The following ETS1 variants were observed in gnomAD, a reference collection of about 807,000 sequenced individuals.
ETS1 encodes the protein protein C-ets-1.
A neutral mutation model predicts 58.6 loss-of-function variants in ETS1; 15 were observed. That is an observed-to-expected ratio of 0.26 (90% CI 0.17 to 0.39). The LOEUF is 0.39. Among genes scored for constraint, ETS1 ranks in the 10% least tolerant of loss-of-function variants. The pLI is 1.00. For missense variants in ETS1, 417 were observed against 610.5 expected (o/e 0.68, Z 3.34); for synonymous variants, 214 against 218.2 (o/e 0.98, Z 0.17).
intron 2 of ETS1, among the ~76,000 whole-genome samples, chr11:128,560,409 G>A (rs1015269287): frequency 2.0e-5 from 3 of 152,180 alleles, no homozygotes; most frequent in Non-Finnish European, 4.4e-5. Flanking sequence ...CACCGCGCCC[G>A]GCCGAGATGG....
intron 3 of ETS1, among the ~76,000 whole-genome samples, chr11:128,499,021 T>C (rs1863016056): frequency 6.6e-6 from 1 of 152,208 alleles, no homozygotes; most frequent in African/African-American, 2.4e-5. Context: ...TTCGTCTCCA[T>C]GGCTTTGCAG....
At position 128,556,385 on chromosome 11, in the gene ETS1, G is replaced by C. The variant is rs1174923049; in HGVS notation, c.120C>G (p.Phe40Leu). The C allele has an allele frequency of 6.2e-7, 1 of 1,612,844 alleles. No individual in the cohort carries two copies. The highest frequency in any genetic ancestry group is 1.3e-5 in the African/African-American group (1 of 74,898). The change falls in exon 3 of 10, where the codon TTC (phenylalanine) becomes TTG (leucine). Residue 40 changes from phenylalanine (F) to leucine (L), a missense_variant. Physicochemically the swap from Phe to Leu is conservative, Grantham distance 22 (BLOSUM62 0). Coordinates refer to ENST00000392668, the MANE Select transcript of ETS1 (RefSeq NM_001143820.2). ...GTCTTTGCTGGTGATAATTGGACTG[G>C]AAACCACAGTTCATTCGAGGATCTT... ...TYEDPRMNCGFQSNYHQQRPC... is the reference protein window; with the variant it reads ...TYEDPRMNCGLQSNYHQQRPC...
chr11:128,524,601 T>C (rs1863764572), intron 3 of ETS1, among the ~76,000 whole-genome samples: 1 of 152,230 alleles, frequency 6.6e-6, no homozygotes, highest in African/African-American at 2.4e-5. Flanking sequence ...TGTTGATAAA[T>C]GAAATTTTTA....
At chr11:128,576,958 G>A (rs1864764112) in intron 1 of ETS1, among the ~76,000 whole-genome samples, 1 of 152,120 alleles carries the variant, frequency 6.6e-6, no homozygotes, top group Non-Finnish European at 1.5e-5. Flanking sequence ...CCTTGTTTAT[G>A]TTCCCAAAGT....
intron 3 of ETS1, among the ~76,000 whole-genome samples, chr11:128,550,346 A>C (rs890576066): frequency 1.3e-5 from 2 of 152,258 alleles, no homozygotes; most frequent in Non-Finnish European, 2.9e-5. Context: ...AAAAAGAAAG[A>C]GGCCATGTAG....
chr11:128,516,612 G>C (rs567850496), intron 3 of ETS1, among the ~76,000 whole-genome samples: 1 of 152,186 alleles, frequency 6.6e-6, no homozygotes, highest in South Asian at 2.1e-4. Context: ...GCCTGTGTGT[G>C]AGCCATGGGC....
chr11:128,542,332 G>A (rs570454087), intron 3 of ETS1, among the ~76,000 whole-genome samples: 1 of 152,264 alleles, frequency 6.6e-6, no homozygotes, highest in African/African-American at 2.4e-5. Flanking sequence ...GACAGAAAAG[G>A]AAAAGGGGAA....
intron 1 of ETS1, among the ~76,000 whole-genome samples, chr11:128,576,016 AG>A (rs1280746365): frequency 2.6e-5 from 4 of 152,242 alleles, no homozygotes; most frequent in African/African-American, 9.6e-5. Flanking sequence ...TCTCATTGAC[AG>A]AGTGAGAGAA....
At chr11:128,507,272 A>AG (rs1863266223) in intron 3 of ETS1, among the ~76,000 whole-genome samples, 1 of 151,940 alleles carries the variant, frequency 6.6e-6, no homozygotes, top group South Asian at 2.1e-4. Flanking sequence ...AGGGAGGGAG[A>AG]GGGAAGGAGA....
chr11:128,550,878 G>GAATAA (rs1175618216), intron 3 of ETS1, among the ~76,000 whole-genome samples: 1 of 152,166 alleles, frequency 6.6e-6, no homozygotes, highest in Non-Finnish European at 1.5e-5. Context: ...AAAATTGAAA[G>GAATAA]AATAAAATAA....
At chr11:128,519,785 A>G (rs1260865177) in intron 3 of ETS1, among the ~76,000 whole-genome samples, 1 of 152,218 alleles carries the variant, frequency 6.6e-6, no homozygotes, top group African/African-American at 2.4e-5. Flanking sequence ...TTTTTATGTC[A>G]ATTATTTACC....
intron 2 of ETS1, among the ~76,000 whole-genome samples, chr11:128,565,876 A>G (rs1260495672): frequency 6.6e-6 from 1 of 152,200 alleles, no homozygotes; most frequent in Non-Finnish European, 1.5e-5. Context: ...AGCAAGCACA[A>G]TCACTGCATA....
intron 6 of ETS1, among the ~76,000 whole-genome samples, chr11:128,485,284 A>ATC (rs1399900761): frequency 6.6e-6 from 1 of 152,174 alleles, no homozygotes; most frequent in Non-Finnish European, 1.5e-5. Flanking sequence ...TCATATCCTC[A>ATC]TCTCTAAAAT....
At position 128,484,981 on chromosome 11, in the gene ETS1, A is replaced by C; in HGVS notation, c.704T>G (p.Ile235Ser). 6.2e-7 allele frequency: 1 copy of C among 1,614,080 alleles called. No homozygotes were observed. The highest frequency in any genetic ancestry group is 8.5e-7 in the Non-Finnish European group (1 of 1,179,974). The stretch of plus-strand genomic sequence containing the variant: ...GAGGGAGAGGAGCTCTTCCGAGCTG[A>C]TGGGATGGAGCGTCTGATAGGACTC... ...ITESYQTLHP[I>S]SSEELLSLKY... Residue 235 changes from isoleucine (I) to serine (S), a missense_variant, in exon 7 of 10, where the codon ATC (isoleucine) becomes AGC (serine). By Grantham distance (142) the Ile-to-Ser change is moderately radical (BLOSUM62 -2). This residue lies in a region of ETS1 where 132 missense variants were observed against 212.1 expected (regional missense o/e 0.62). Coordinates refer to ENST00000392668, the MANE Select transcript of ETS1 (RefSeq NM_001143820.2).
At chr11:128,506,948 C>G (rs900596214) in intron 3 of ETS1, among the ~76,000 whole-genome samples, 2 of 152,144 alleles carry the variant, frequency 1.3e-5, no homozygotes, top group Non-Finnish European at 2.9e-5. Flanking sequence ...TTTATACTTA[C>G]ATACAAAAGA....
intron 3 of ETS1, among the ~76,000 whole-genome samples, chr11:128,507,511 C>G (rs1863273718): frequency 6.6e-6 from 1 of 152,212 alleles, no homozygotes; most frequent in African/African-American, 2.4e-5. Flanking sequence ...CAGTGGCGCA[C>G]AGCTGTTTAA....
At chr11:128,501,897 A>G (rs1214670601) in intron 3 of ETS1, among the ~76,000 whole-genome samples, 1 of 152,194 alleles carries the variant, frequency 6.6e-6, no homozygotes, top group African/African-American at 2.4e-5. Context: ...TCTCCCCTCG[A>G]GTTTCTAAGC....
rs1864190278 is a variant in ETS1, at chr11:128,549,273, G to GCCCCTCC, written c.214+7017_214+7018insGGAGGGG. On this transcript the variant is annotated intron_variant, in intron 3 of 9. Coordinates refer to ENST00000392668, the MANE Select transcript of ETS1 (RefSeq NM_001143820.2). The surrounding 1 kb of genome is among the most constrained non-coding windows in gnomAD (Gnocchi z 4.3). ...CACTCTCACGCGCCCCTCGCCCCTC[G>GCCCCTCC]CCCCTCGCCCCTCGCCCCTCTCCTG... Among the ~76,000 whole-genome samples the GCCCCTCC allele has an allele frequency of 8.5e-6, 1 of 117,146 alleles. No homozygotes were observed. Among genetic ancestry groups the GCCCCTCC allele is most frequent in the African/African-American group, 3.2e-5 (1 of 30,784 alleles). 76.9% of individuals were successfully genotyped at this position (117,146 alleles called of 152,430 possible).
intron 3 of ETS1, among the ~76,000 whole-genome samples, chr11:128,521,658 C>T (rs1863673067): frequency 6.6e-6 from 1 of 152,168 alleles, no homozygotes. Context: ...ATAAGCTTTT[C>T]CCCACCACTC....
Sources: gnomAD v4.1 joint callset for allele counts (sites outside exome capture counted in the v4.1 genomes callset) on GRCh38, gnomAD v4.1.1 for gene constraint, gnomAD v4.1.1 regional missense constraint, Gnocchi (gnomAD v3.1) non-coding constraint, MANE v1.5 for transcripts, NCBI Gene and HGNC (gene_info 2026-07-23, HGNC 2026-07-21) for gene names.